The following DACT2 variants were observed in gnomAD, a reference collection of about 807,000 sequenced individuals.
The protein encoded by DACT2 is dapper homolog 2.
DACT2 carries 20 observed loss-of-function variants against 22.2 expected under a neutral mutation model. That is an observed-to-expected ratio of 0.90 (90% confidence interval 0.63 to 1.31). DACT2 has a LOEUF of 1.31. DACT2 is among the 50% of genes most tolerant of loss of function. The probability of loss-of-function intolerance (pLI) is 0.00; values close to 1 mark genes in which losing one functional copy is unlikely to be tolerated. For synonymous variants in DACT2, 463 were observed against 479.8 expected, an observed-to-expected ratio of 0.96 and a Z score of 0.46; for missense variants, 1,048 against 1,061.4, an observed-to-expected ratio of 0.99 and a Z score of 0.18.
rs964819943 is a variant in DACT2 at position 168,319,419 on chromosome 6, T to C, written c.215A>G (p.Glu72Gly). ...HGLHGPEQQLEAALAALQEQL... is the reference protein window; with the variant it reads ...HGLHGPEQQLGAALAALQEQL... ...CTCCTGCAGCGCGGCCAGCGCCGCC[T>C]CCAGCTGCTGCTCGGGGCCGTGGAG... is the stretch of plus-strand genomic sequence containing the variant. Residue 72 changes from glutamate (E) to glycine (G), a missense_variant, in exon 1 of 4, where the codon GAG becomes GGG. Glu to Gly is a moderately conservative substitution (Grantham distance 98). Transcript: ENST00000366795. 2 of 1,203,584 alleles carry C rather than the reference T, an allele frequency of 1.7e-6. No homozygotes were observed. Among genetic ancestry groups the C allele is most frequent in the Non-Finnish European group, 2.1e-6 (2 of 970,306 alleles). The allele number at this position is 1,203,584 out of a possible 1,614,324, so 74.6% of individuals were successfully genotyped here. A position where few individuals can be genotyped will look rare whatever the true frequency, so the allele number is the denominator to read the frequency against.
rs192630655 is a variant in DACT2, at chr6:168,301,138, C to T, written c.659-6434G>A. The stretch of plus-strand genomic sequence containing the variant: ...TGCTGTCGCCTGTGACAGCGGCCAG[C>T]GACCGGGGCCTCCGGAGGCCGAGCA... On this transcript the variant is annotated intron_variant, in intron 3 of 5. Coordinates refer to the DACT2 transcript ENST00000366796. 4.3e-4 allele frequency among the ~76,000 whole-genome samples: 65 copies of T among 152,374 alleles called. 1 individual carries two copies. In the East Asian group the frequency reaches 9.6e-3, roughly 23 times the overall value.
chr6:168,308,926 G>T lies in DACT2; in HGVS notation c.831C>A (p.Ser277Arg). 1.9e-6 allele frequency: 3 copies of T among 1,550,440 alleles called. No homozygotes were observed. Among genetic ancestry groups the T allele is most frequent in the Non-Finnish European group, 2.6e-6 (3 of 1,146,954 alleles). Residue 277 changes from serine (S) to arginine (R), a missense_variant, in exon 4 of 4, where the codon AGC becomes AGA. Transcript: ENST00000366795. Reference protein sequence around the residue: ...QGGREVYPYPSPLHAVALQSP... With the variant: ...QGGREVYPYPRPLHAVALQSP... ...TCTGTAGAGCCACGGCGTGCAGGGG[G>T]CTGGGGTACGGGTACACCTCCCTGC...
chr6:168,311,847 C>A (rs576092509), intron 1 of DACT2, among the ~76,000 whole-genome samples: 1 of 152,314 alleles, frequency 6.6e-6, no homozygotes, highest in Admixed American at 6.5e-5. Flanking sequence ...ACTATCTGCA[C>A]TGTCTGTTTT....
Position 168,307,559 on chromosome 6 carries a change from G to T in DACT2, c.2198C>A (p.Ala733Asp). ...CAGGAGTGGCCCCGAGCTGACCGGG[G>T]CCTCCTGGGTCCAGGCCAGCTCCGC... Reference protein sequence around the residue: ...GHAELAWTQEAPVSSGPLLSP... With the variant: ...GHAELAWTQEDPVSSGPLLSP... The change falls in exon 4 of 4, where the codon GCC (alanine) becomes GAC (aspartate). Residue 733 changes from alanine to aspartate, a missense_variant. Ala to Asp is a moderately radical substitution (Grantham distance 126, BLOSUM62 -2). Coordinates refer to ENST00000366795, the MANE Select transcript of DACT2 (RefSeq NM_214462.5). This position sits in a 1 kb window ranked among gnomAD's most constrained non-coding sequence, Gnocchi z 5.3. 1 of 1,551,274 alleles carries T rather than the reference G, an allele frequency of 6.4e-7. No homozygotes were observed. Among genetic ancestry groups the T allele is most frequent in the Non-Finnish European group, 8.7e-7 (1 of 1,146,894 alleles).
At chr6:168,302,297 C>A (rs1375599695), downstream of DACT2, among the ~76,000 whole-genome samples, 1 of 152,158 alleles carries the variant, frequency 6.6e-6, no homozygotes, top group African/African-American at 2.4e-5. Context: ...CCAGCTGGGC[C>A]CCCAAATGCA....
Position 168,307,732 on chromosome 6 carries a change from C to A in DACT2, c.2025G>T (p.Pro675=). The A allele has an allele frequency of 6.5e-7, 1 of 1,549,170 alleles. No individual in the cohort carries two copies. Among genetic ancestry groups the A allele is most frequent in the East Asian group, 2.4e-5 (1 of 40,876 alleles). ...KHSAECDPRF[P]SVIPETSEGE... is the part of the protein sequence containing the mutation. ...CCTCGCTGGTCTCCGGGATGACTGACGGGAACCGCGGGTCACACTCGGCCG... is the reference window on the plus strand; with the variant it reads ...CCTCGCTGGTCTCCGGGATGACTGAAGGGAACCGCGGGTCACACTCGGCCG... Residue 675 remains proline (P), a synonymous_variant, in exon 4 of 4, where the codon CCG becomes CCT. Transcript: ENST00000366795. This position sits in a 1 kb window ranked among gnomAD's most constrained non-coding sequence, Gnocchi z 5.3.
At chr6:168,303,705 A>G (rs1230869911), downstream of DACT2, among the ~76,000 whole-genome samples, 2 of 152,224 alleles carry the variant, frequency 1.3e-5, no homozygotes, top group African/African-American at 2.4e-5. Flanking sequence ...TTATTCTACA[A>G]GCTGGAGCAA....
At chr6:168,318,613 G>C (rs1046357755) in intron 1 of DACT2, among the ~76,000 whole-genome samples, 25 of 152,216 alleles carry the variant, frequency 1.6e-4, no homozygotes, top group Non-Finnish European at 1.5e-5. Context: ...GAAAACGCTT[G>C]TGAGTTGTTT....
In DACT2 at chr6:168,307,427, G is replaced by A; in HGVS notation, c.*5C>T. 6.4e-7 allele frequency: 1 copy of A among 1,551,562 alleles called. No individual in the cohort carries two copies. Among genetic ancestry groups the A allele is most frequent in the Non-Finnish European group, 8.7e-7 (1 of 1,146,956 alleles). ...GCAGGCTTCTCTTGACGCAGTCACT[G>A]CACCTCACACCATGGTCATGACCTT... On this transcript the variant is annotated 3_prime_UTR_variant, in exon 4 of 4. Coordinates refer to ENST00000366795, the MANE Select transcript of DACT2 (RefSeq NM_214462.5). This position sits in a 1 kb window ranked among gnomAD's most constrained non-coding sequence, Gnocchi z 5.3.
At chr6:168,315,941 C>T (rs959142888) in intron 1 of DACT2, among the ~76,000 whole-genome samples, 1 of 152,140 alleles carries the variant, frequency 6.6e-6, no homozygotes, top group Non-Finnish European at 1.5e-5. Context: ...TAATGTTTTT[C>T]CCTGTAAGAA....
chr6:168,314,592 C>T (rs1779501943), intron 1 of DACT2, among the ~76,000 whole-genome samples: 1 of 152,212 alleles, frequency 6.6e-6, no homozygotes, highest in Non-Finnish European at 1.5e-5. Context: ...ATTCTTTACG[C>T]ACCACAAGAG....
chr6:168,307,330 A>C lies in DACT2; in HGVS notation c.*102T>G. ...TGTTAAACGGTGGCCTCGGAAGATA[A>C]AGCGACTTGGCAAGACGACACTGAA... is the stretch of plus-strand genomic sequence containing the variant. On this transcript the variant is annotated 3_prime_UTR_variant, in exon 4 of 4. Coordinates refer to ENST00000366795, the MANE Select transcript of DACT2 (RefSeq NM_214462.5). This position sits in a 1 kb window ranked among gnomAD's most constrained non-coding sequence, Gnocchi z 5.3. 6.7e-7 allele frequency: 1 copy of C among 1,493,104 alleles called. No individual in the cohort carries two copies. Among genetic ancestry groups the C allele is most frequent in the Non-Finnish European group, 8.9e-7 (1 of 1,121,780 alleles). The allele number at this position is 1,493,104 out of a possible 1,614,324, so 92.5% of individuals were successfully genotyped here. A position where few individuals can be genotyped will look rare whatever the true frequency, so the allele number is the denominator to read the frequency against.
At chr6:168,294,246 A>G (rs1424247199) in intron 4 of DACT2, 5 of 702,736 alleles carry the variant, frequency 7.1e-6, no homozygotes, top group Non-Finnish European at 1.3e-5. Flanking sequence ...GAGTGCCAGG[A>G]GCTCTGTCAC....
chr6:168,302,521 T>C (rs538496778), downstream of DACT2, among the ~76,000 whole-genome samples: 3 of 152,340 alleles, frequency 2.0e-5, no homozygotes, highest in Admixed American at 6.5e-5. Context: ...TTTAACTCAA[T>C]TGAGGTAAAA....
intron 3 of DACT2, among the ~76,000 whole-genome samples, chr6:168,296,890 C>T (rs1373041122): frequency 6.6e-6 from 1 of 152,142 alleles, no homozygotes; most frequent in Admixed American, 6.5e-5. Context: ...GTGATACTCG[C>T]AAAACCTGTA....
rs182533316 is a variant in DACT2 at position 168,318,655 on chromosome 6, T to A, written c.246+733A>T. Among the ~76,000 whole-genome samples, 1,019 of 152,118 alleles carry A rather than the reference T, an allele frequency of 6.7e-3. 4 individuals are homozygous for A. The highest frequency in any genetic ancestry group is 0.011 in the Non-Finnish European group (715 of 67,988). ...AGTTTAACAAAATCATACAATAACATAATAAGCAGAGGGGTAATGAGTGGA... is the reference window on the plus strand; with the variant it reads ...AGTTTAACAAAATCATACAATAACAAAATAAGCAGAGGGGTAATGAGTGGA... On this transcript the variant is annotated intron_variant, in intron 1 of 3. Coordinates refer to ENST00000366795, the MANE Select transcript of DACT2 (RefSeq NM_214462.5).
At chr6:168,306,830 T>C (rs1779219469), downstream of DACT2, 2 of 952,628 alleles carry the variant, frequency 2.1e-6, no homozygotes, top group East Asian at 1.2e-4. Flanking sequence ...AGCTGGCACG[T>C]GCCCTGTGAT....
At chr6:168,301,823 C>T (rs1016424718) in intron 3 of DACT2, among the ~76,000 whole-genome samples, 2 of 152,222 alleles carry the variant, frequency 1.3e-5, no homozygotes, top group Non-Finnish European at 2.9e-5. Context: ...GTTTATTCCA[C>T]ACTTCAAAGC....
At chr6:168,310,650 C>T in intron 2 of DACT2, among the ~76,000 whole-genome samples, 1 of 152,184 alleles carries the variant, frequency 6.6e-6, no homozygotes, top group East Asian at 1.9e-4. Context: ...CAGGAGCTGC[C>T]AGTGGGTTGG....
Sources: gnomAD v4.1 joint callset for allele counts (sites outside exome capture counted in the v4.1 genomes callset) on GRCh38, gnomAD v4.1.1 for gene constraint, Gnocchi (gnomAD v3.1) non-coding constraint, MANE v1.5 for transcripts, NCBI Gene and HGNC (gene_info 2026-07-23, HGNC 2026-07-21) for gene names.